The following SNURF variants were observed in gnomAD, a reference collection of about 807,000 sequenced individuals.
The protein encoded by SNURF is SNURF protein.
In SNURF, 6 loss-of-function variants were observed where a neutral mutation model predicts 11.6. The observed-to-expected ratio is 0.52, with a 90% CI of 0.28 to 1.02. SNURF has a LOEUF of 1.02. Ranked by LOEUF, SNURF falls within the 50% of genes least tolerant of loss-of-function variation. SNURF has a pLI of 0.09. For synonymous variants in SNURF, 29 were observed against 31.6 expected, an observed-to-expected ratio of 0.92 and a Z score of 0.27; for missense variants, 84 against 88.4, an observed-to-expected ratio of 0.95 and a Z score of 0.20.
chr15:24,974,741 T>G, intron 3 of SNURF: 1 of 608,054 alleles, frequency 1.6e-6, no homozygotes, highest in Non-Finnish European at 2.9e-6. Context: ...GCCTCTTTAT[T>G]AGAAACAGGG....
rs35146696 is a variant in SNURF, at chr15:24,967,808, G to GAA, written c.111-105_111-104dup. ...GGGCAACAGAATGAGACCCTGTCTG[G>GAA]AAAAAAAAAAAAAAAAAAAAGGAAT... On this transcript the variant is annotated intron_variant, in intron 2 of 2. Transcript: ENST00000577949. 7.9e-3 allele frequency: 3,828 copies of GAA among 487,464 alleles called. 1 individual carries two copies. Among genetic ancestry groups the GAA allele is most frequent in the South Asian group, 9.2e-3 (446 of 48,450 alleles). The allele number at this position is 487,464 out of a possible 1,614,324, so 30.2% of individuals were successfully genotyped here.
At chr15:24,969,136 T>G (rs557884834), downstream of SNURF, among the ~76,000 whole-genome samples, 1 of 152,040 alleles carries the variant, frequency 6.6e-6, no homozygotes, top group South Asian at 2.1e-4. Context: ...ATTAATTAAT[T>G]TATTTATTTA....
chr15:24,957,383 C>T (rs1288125656), intron 1 of SNURF, among the ~76,000 whole-genome samples: 1 of 152,162 alleles, frequency 6.6e-6, no homozygotes, highest in Non-Finnish European at 1.5e-5. Flanking sequence ...TGCTTTGGAT[C>T]AGTTACTGTC....
At chr15:24,965,507 C>A (rs2075482896) in intron 2 of SNURF, among the ~76,000 whole-genome samples, 1 of 152,066 alleles carries the variant, frequency 6.6e-6, no homozygotes. Flanking sequence ...ATTGGCTGTG[C>A]CTGGGTGACA....
chr15:24,975,967 A>G, intron 4 of SNURF, among the ~76,000 whole-genome samples: 1 of 152,244 alleles, frequency 6.6e-6, no homozygotes, highest in Non-Finnish European at 1.5e-5. Context: ...TGATTTAATT[A>G]TTTAAGTAAT....
chr15:24,966,075 G>A (rs1241482575), intron 2 of SNURF, among the ~76,000 whole-genome samples: 1 of 152,050 alleles, frequency 6.6e-6, no homozygotes, highest in Middle Eastern at 3.2e-3. Context: ...TGACTACTTG[G>A]AGTTAGTGCA....
At chr15:24,965,454 T>C (rs1396674457) in intron 2 of SNURF, among the ~76,000 whole-genome samples, 1 of 152,142 alleles carries the variant, frequency 6.6e-6, no homozygotes, top group East Asian at 1.9e-4. Context: ...GAAGAATCGC[T>C]TGAACCTGGG....
At chr15:24,962,705 C>A (rs1184051345) in intron 2 of SNURF, among the ~76,000 whole-genome samples, 1 of 152,082 alleles carries the variant, frequency 6.6e-6, no homozygotes, top group Non-Finnish European at 1.5e-5. Context: ...CACAGACACA[C>A]TCAGACACAT....
At chr15:24,973,710 T>G (rs925110392), downstream of SNURF, among the ~76,000 whole-genome samples, 2 of 152,216 alleles carry the variant, frequency 1.3e-5, no homozygotes, top group Non-Finnish European at 2.9e-5. Flanking sequence ...GTTAACGTGA[T>G]TTATAACTTT....
downstream of SNURF, among the ~76,000 whole-genome samples, chr15:24,972,125 G>A (rs1248359940): frequency 4.6e-5 from 7 of 151,732 alleles, no homozygotes; most frequent in African/African-American, 1.5e-4. Context: ...GTGTGGTGGC[G>A]GGCGCCTGTA....
chr15:24,962,096 C>T lies in SNURF; in HGVS notation c.15-18C>T, dbSNP rs777635512. 2 of 1,606,126 alleles carry T rather than the reference C, an allele frequency of 1.2e-6. No individual in the cohort carries two copies. Among genetic ancestry groups the T allele is most frequent in the African/African-American group, 2.7e-5 (2 of 74,694 alleles). On this transcript the variant is annotated intron_variant, in intron 1 of 2. Transcript: ENST00000577949. ...TTGATGCAGTCTACCAAACAAATGC[C>T]TCTCTTTTCTGTTTCAGGGATCGCT...
At chr15:24,958,996 C>T (rs1317937732) in intron 1 of SNURF, 1 of 152,174 alleles carries the variant, frequency 6.6e-6, no homozygotes, top group East Asian at 1.9e-4. Flanking sequence ...GGCATTGCAG[C>T]CATGAGCCGC....
chr15:24,967,799 C>A (rs2075868821), intron 2 of SNURF, 133 bp from the exon 3 acceptor site: 3 of 759,864 alleles, frequency 3.9e-6, no homozygotes, highest in Admixed American at 2.5e-5. Flanking sequence ...CAGAATGAGA[C>A]CCTGTCTGGA....
At chr15:24,962,126 C>G in exon 2 of SNURF, 2 of 1,614,106 alleles carry the variant, frequency 1.2e-6, no homozygotes, top group Non-Finnish European at 8.5e-7. Context: ...ATCGCTTACA[C>G]CTGAGACGAA....
chr15:24,974,268 C>T (rs1222198820), intron 3 of SNURF: 1 of 607,286 alleles, frequency 1.6e-6, no homozygotes, highest in African/African-American at 1.9e-5. Flanking sequence ...TGTTTTAAAA[C>T]ATGGTAGATT....
chr15:24,969,703 G>T (rs1436337423), downstream of SNURF, among the ~76,000 whole-genome samples: 4 of 152,044 alleles, frequency 2.6e-5, no homozygotes, highest in Admixed American at 6.6e-5. Context: ...CTGCAAGTAG[G>T]ACCATCTAAT....
chr15:24,972,898 C>T (rs1310098896), downstream of SNURF, among the ~76,000 whole-genome samples: 1 of 151,640 alleles, frequency 6.6e-6, no homozygotes, highest in Non-Finnish European at 1.5e-5. Flanking sequence ...CCCACCACCC[C>T]CAACCCTGAG....
At chr15:24,969,634 G>A (rs1596300420), downstream of SNURF, among the ~76,000 whole-genome samples, 1 of 152,136 alleles carries the variant, frequency 6.6e-6, no homozygotes, top group Non-Finnish European at 1.5e-5. Context: ...TAGCTTCTCA[G>A]TTCAGTTCAC....
intron 3 of SNURF, chr15:24,974,513 GT>G: frequency 6.4e-7 from 1 of 1,562,096 alleles, no homozygotes; most frequent in South Asian, 1.1e-5. Context: ...GAAAGAAATA[GT>G]TTGCCAGCAT....
Sources: allele counts gnomAD v4.1 joint callset (sites outside exome capture counted in the v4.1 genomes callset), GRCh38; gene constraint gnomAD v4.1.1; transcripts MANE v1.5; gene names NCBI Gene and HGNC (gene_info 2026-07-23, HGNC 2026-07-21).